Variants in RSU1 observed in about 807,000 individuals in gnomAD.
RSU1 encodes Ras suppressor protein 1.
RSU1 carries 26 observed loss-of-function variants against 31.1 expected under a neutral mutation model. The ratio of observed to expected loss-of-function variants is 0.84; its 90% CI spans 0.61 to 1.16. The LOEUF (loss-of-function observed/expected upper bound fraction) is 1.16. Among genes scored for constraint, RSU1 ranks in the 50% most tolerant of loss-of-function variants. The pLI, the probability that RSU1 is intolerant of heterozygous loss-of-function variation, is 0.00. For synonymous variants in RSU1, 164 were observed against 136.3 expected, an observed-to-expected ratio of 1.20 and a Z score of -1.41; for missense variants, 320 against 339.1, an observed-to-expected ratio of 0.94 and a Z score of 0.44.
intron 7 of RSU1, among the ~76,000 whole-genome samples, chr10:16,736,322 T>C (rs1836626533): frequency 6.6e-6 from 1 of 152,064 alleles, no homozygotes. Flanking sequence ...AGCTAAACAA[T>C]CACTGGAGTT....
At chr10:16,740,656 T>C (rs1836730588) in intron 7 of RSU1, among the ~76,000 whole-genome samples, 1 of 152,208 alleles carries the variant, frequency 6.6e-6, no homozygotes, top group African/African-American at 2.4e-5. Flanking sequence ...ATCCACTGTC[T>C]TCCCACATAC....
intron 8 of RSU1, among the ~76,000 whole-genome samples, chr10:16,623,678 C>T (rs553492887): frequency 1.3e-5 from 2 of 152,270 alleles, no homozygotes; most frequent in Admixed American, 6.5e-5. Flanking sequence ...GCAGCCTCGC[C>T]AGCATGTTGT....
chr10:16,766,619 G>A (rs1391864327), intron 3 of RSU1, among the ~76,000 whole-genome samples: 1 of 152,090 alleles, frequency 6.6e-6, no homozygotes, highest in African/African-American at 2.4e-5. Context: ...GGAAGCTGAG[G>A]CAGGAGAATC....
chr10:16,601,764 G>A (rs555540682), intron 8 of RSU1, among the ~76,000 whole-genome samples: 7 of 152,322 alleles, frequency 4.6e-5, no homozygotes, highest in South Asian at 2.1e-4. Flanking sequence ...ACTAACAGGC[G>A]TGTGCAAGGT....
intron 4 of RSU1, among the ~76,000 whole-genome samples, chr10:16,756,631 A>T (rs893930618): frequency 1.4e-4 from 21 of 152,270 alleles, no homozygotes; most frequent in African/African-American, 5.1e-4. Context: ...AATACATGTA[A>T]CATACAAAAT....
At chr10:16,676,709 AG>A (rs1483069683) in intron 8 of RSU1, among the ~76,000 whole-genome samples, 1 of 152,220 alleles carries the variant, frequency 6.6e-6, no homozygotes, top group Non-Finnish European at 1.5e-5. Flanking sequence ...GCACTCAAAA[AG>A]GTTCAGATAT....
intron 8 of RSU1, among the ~76,000 whole-genome samples, chr10:16,674,900 G>A (rs1835198069): frequency 1.3e-5 from 2 of 152,106 alleles, no homozygotes; most frequent in African/African-American, 4.8e-5. Context: ...AGGCGTGGTG[G>A]CACACGCCTG....
At chr10:16,814,452 A>AG (rs1248540651) in intron 2 of RSU1, among the ~76,000 whole-genome samples, 1 of 6,582 alleles carries the variant, frequency 1.5e-4, no homozygotes, top group African/African-American at 2.5e-4. Flanking sequence ...TGTTTTCAGG[A>AG]AAAAAAAAAA....
At chr10:16,626,275 T>A (rs544961969) in intron 8 of RSU1, among the ~76,000 whole-genome samples, 1 of 152,194 alleles carries the variant, frequency 6.6e-6, no homozygotes, top group African/African-American at 2.4e-5. Context: ...GGTCTTGAAC[T>A]CCTGGGATCA....
intron 8 of RSU1, among the ~76,000 whole-genome samples, chr10:16,682,431 A>G (rs757024163): frequency 8.4e-4 from 128 of 152,116 alleles, no homozygotes; most frequent in Non-Finnish European, 1.5e-3. Flanking sequence ...TTTGCTTTAA[A>G]GATAATATTG....
At chr10:16,594,848 G>A (rs1159240889) in intron 8 of RSU1, among the ~76,000 whole-genome samples, 1 of 147,616 alleles carries the variant, frequency 6.8e-6, no homozygotes, top group Non-Finnish European at 1.5e-5. Context: ...GCAGTGGTGT[G>A]ATCTTGGCTC....
intron 8 of RSU1, among the ~76,000 whole-genome samples, chr10:16,634,031 G>A (rs529970664): frequency 6.6e-5 from 10 of 152,310 alleles, no homozygotes; most frequent in African/African-American, 2.4e-4. Context: ...GTCTTTTCCA[G>A]CATCCTCTAT....
chr10:16,640,695 C>A (rs1834426151), intron 8 of RSU1, among the ~76,000 whole-genome samples: 1 of 152,240 alleles, frequency 6.6e-6, no homozygotes, highest in Admixed American at 6.5e-5. Flanking sequence ...AGGCTCACAC[C>A]CGGATGGTAC....
chr10:16,650,486 G>C (rs1834662460), intron 8 of RSU1, among the ~76,000 whole-genome samples: 1 of 150,934 alleles, frequency 6.6e-6, no homozygotes. Flanking sequence ...AGACTTACAA[G>C]TAGACAGGCA....
At chr10:16,639,501 A>C (rs1385946633) in intron 8 of RSU1, among the ~76,000 whole-genome samples, 2 of 152,232 alleles carry the variant, frequency 1.3e-5, no homozygotes, top group Non-Finnish European at 2.9e-5. Flanking sequence ...GGTACAATTA[A>C]TGCGGGTTTA....
At chr10:16,674,965 G>T (rs575879689) in intron 8 of RSU1, among the ~76,000 whole-genome samples, 2 of 152,082 alleles carry the variant, frequency 1.3e-5, no homozygotes, top group East Asian at 3.8e-4. Flanking sequence ...CCTGGGAGGC[G>T]GAGGTTGCAG....
intron 8 of RSU1, among the ~76,000 whole-genome samples, chr10:16,679,956 A>T (rs1484212999): frequency 7.0e-6 from 1 of 142,514 alleles, no homozygotes; most frequent in Non-Finnish European, 1.5e-5. Flanking sequence ...ATCTTGGCTC[A>T]CCGCAATCTC....
At position 16,668,373 on chromosome 10, in the gene RSU1, T is replaced by C. The variant is rs76183545; in HGVS notation, c.731+26650A>G. On this transcript the variant is annotated intron_variant, in intron 8 of 8. Transcript: ENST00000345264. ...GCAATGAAGGACGATGAGTATTGTA[T>C]AGAAGACACGTTTCAGGCAGAGGGA... Among the ~76,000 whole-genome samples, 538 of 152,284 alleles carry C rather than the reference T, an allele frequency of 3.5e-3. 2 individuals are homozygous for C. Among genetic ancestry groups the C allele is most frequent in the African/African-American group, 0.012 (507 of 41,548 alleles).
chr10:16,709,555 C>T (rs1391706850), intron 7 of RSU1, among the ~76,000 whole-genome samples: 1 of 152,138 alleles, frequency 6.6e-6, no homozygotes, highest in East Asian at 1.9e-4. Flanking sequence ...GTTCTAGATC[C>T]CTGAGGAATC....
Sources: gnomAD v4.1 joint callset for allele counts (sites outside exome capture counted in the v4.1 genomes callset) on GRCh38, gnomAD v4.1.1 for gene constraint, MANE v1.5 for transcripts, NCBI Gene and HGNC (gene_info 2026-07-23, HGNC 2026-07-21) for gene names.